The following BLTP3A variants were observed in gnomAD, a reference collection of about 807,000 sequenced individuals.
The protein encoded by BLTP3A is ICBP90 binding protein 1.
At chr6:34,812,086 T>C in the BLTP3A span, among the ~76,000 whole-genome samples, 1 of 149,618 alleles carries the variant, frequency 6.7e-6, no homozygotes, top group Non-Finnish European at 1.5e-5. Flanking sequence ...TCCAGCACTT[T>C]GGGAGTCCAA....
the BLTP3A span, chr6:34,859,557 C>T: frequency 6.2e-7 from 1 of 1,613,802 alleles, no homozygotes; most frequent in South Asian, 1.1e-5. Context: ...AGATGTTGTC[C>T]CTGCCCCCAG....
chr6:34,798,598 T>TC, the BLTP3A span, among the ~76,000 whole-genome samples: 7 of 145,080 alleles, frequency 4.8e-5, no homozygotes, highest in Non-Finnish European at 1.1e-4. Flanking sequence ...TTCTTTCTTT[T>TC]TTTTTTTTTT....
At chr6:34,799,764 G>T in the BLTP3A span, among the ~76,000 whole-genome samples, 29 of 152,116 alleles carry the variant, frequency 1.9e-4, no homozygotes, top group African/African-American at 6.5e-4. Flanking sequence ...GCATAATAAC[G>T]CATAATGCTT....
chr6:34,829,391 G>GGTTCAGGCAT, the BLTP3A span, among the ~76,000 whole-genome samples: 2 of 152,260 alleles, frequency 1.3e-5, no homozygotes, highest in East Asian at 1.9e-4. Flanking sequence ...ATGTTTTCAA[G>GGTTCAGGCAT]GTTCAGGCAT....
At chr6:34,793,873 G>C in the BLTP3A span, among the ~76,000 whole-genome samples, 5 of 149,978 alleles carry the variant, frequency 3.3e-5, no homozygotes, top group African/African-American at 9.8e-5. Context: ...GGTTCTTTCT[G>C]ATTTACTTTC....
chr6:34,864,196 C>T, the BLTP3A span: 1 of 1,612,476 alleles, frequency 6.2e-7, no homozygotes. Flanking sequence ...CTCTTGGAGT[C>T]TGGTATGTGG....
At chr6:34,849,212 T>C in the BLTP3A span, among the ~76,000 whole-genome samples, 1 of 152,078 alleles carries the variant, frequency 6.6e-6, no homozygotes, top group East Asian at 1.9e-4. Flanking sequence ...TTGGCCAGGC[T>C]GGTCTCAAAC....
the BLTP3A span, among the ~76,000 whole-genome samples, chr6:34,837,946 A>G: frequency 6.6e-6 from 1 of 152,200 alleles, no homozygotes; most frequent in African/African-American, 2.4e-5. Flanking sequence ...TTAAGAGTAC[A>G]CAATTCAGAG....
chr6:34,862,843 A>G, the BLTP3A span, among the ~76,000 whole-genome samples: 1 of 151,648 alleles, frequency 6.6e-6, no homozygotes, highest in Non-Finnish European at 1.5e-5. Context: ...CAAAAAAAAA[A>G]AAAACCAAAA....
the BLTP3A span, among the ~76,000 whole-genome samples, chr6:34,848,588 A>G: frequency 5.3e-5 from 8 of 150,168 alleles, no homozygotes; most frequent in African/African-American, 2.0e-4. Flanking sequence ...CCTGGGCGAC[A>G]GAGTGAGACT....
At chr6:34,849,522 G>T in the BLTP3A span, among the ~76,000 whole-genome samples, 2 of 151,908 alleles carry the variant, frequency 1.3e-5, no homozygotes, top group Non-Finnish European at 2.9e-5. Context: ...TTATTATACC[G>T]TCTATGTCTT....
At chr6:34,836,354 C>T in the BLTP3A span, 4 of 1,613,012 alleles carry the variant, frequency 2.5e-6, no homozygotes, top group Non-Finnish European at 3.4e-6. Flanking sequence ...GCCAGGTACC[C>T]CATGAGGCCT....
chr6:34,846,863 T>G, the BLTP3A span, among the ~76,000 whole-genome samples: 1 of 152,220 alleles, frequency 6.6e-6, no homozygotes, highest in Non-Finnish European at 1.5e-5. Context: ...GGAAAGGCTT[T>G]CAGTTTTCCC....
At chr6:34,840,108 G>T in the BLTP3A span, among the ~76,000 whole-genome samples, 2 of 152,226 alleles carry the variant, frequency 1.3e-5, no homozygotes, top group Non-Finnish European at 2.9e-5. Context: ...GCTGAGTCAT[G>T]CAGGCCTGGA....
At chr6:34,855,583 T>G in the BLTP3A span, 3 of 1,610,102 alleles carry the variant, frequency 1.9e-6, no homozygotes, top group African/African-American at 2.7e-5. Flanking sequence ...CTTTGTTCCT[T>G]CCACTGCCAT....
the BLTP3A span, chr6:34,835,284 G>C: frequency 6.2e-6 from 10 of 1,613,294 alleles, no homozygotes; most frequent in Non-Finnish European, 8.5e-6. Flanking sequence ...GTTGTCTGTG[G>C]CTTCCTCAGA....
the BLTP3A span, chr6:34,823,221 G>C: frequency 1.9e-6 from 3 of 1,546,154 alleles, no homozygotes; most frequent in East Asian, 6.7e-5. Flanking sequence ...GTGTGTATTT[G>C]TGTAAATGCT....
At chr6:34,828,450 CAAAAA>C in the BLTP3A span, among the ~76,000 whole-genome samples, 4 of 54,454 alleles carry the variant, frequency 7.3e-5, no homozygotes, top group South Asian at 2.1e-3. Flanking sequence ...GACTCCATCT[CAAAAA>C]AAAAAAAAAA....
chr6:34,842,295 C>T, the BLTP3A span, among the ~76,000 whole-genome samples: 1 of 152,162 alleles, frequency 6.6e-6, no homozygotes, highest in Non-Finnish European at 1.5e-5. Flanking sequence ...TCACACCATA[C>T]AATTCATCCA....
Sources: allele counts gnomAD v4.1 joint callset (sites outside exome capture counted in the v4.1 genomes callset), GRCh38; gene constraint gnomAD v4.1.1; transcripts MANE v1.5; gene names NCBI Gene and HGNC (gene_info 2026-07-23, HGNC 2026-07-21).